The following WRN variants were observed in gnomAD, a reference collection of about 807,000 sequenced individuals.
The protein encoded by WRN is bifunctional 3'-5' exonuclease/ATP-dependent helicase WRN.
In WRN, 149 loss-of-function variants were observed where a neutral mutation model predicts 180.7. That is an observed-to-expected ratio of 0.82 (90% CI 0.72 to 0.94). The LOEUF is 0.94. WRN is among the 40% of genes least tolerant of loss of function. The pLI, the probability that WRN is intolerant of heterozygous loss-of-function variation, is 0.00. For synonymous variants in WRN, 548 were observed against 568.9 expected, an observed-to-expected ratio of 0.96 and a Z score of 0.52; for missense variants, 1,661 against 1,700.1, an observed-to-expected ratio of 0.98 and a Z score of 0.40.
At chr8:31,073,516 A>G (rs1258685644) in intron 7 of WRN, among the ~76,000 whole-genome samples, 3 of 152,198 alleles carry the variant, frequency 2.0e-5, no homozygotes, top group African/African-American at 7.2e-5. Context: ...GATTATTGAT[A>G]TCCAAGAGAT....
intron 20 of WRN, chr8:31,120,011 A>G (rs1313846157): frequency 1.9e-6 from 1 of 515,422 alleles, no homozygotes. Context: ...CAGATAGACC[A>G]CTTTATTTAC....
At chr8:31,091,023 A>AC (rs1813730486) in intron 15 of WRN, 81 bp downstream of exon 15, 2 of 1,074,856 alleles carry the variant, frequency 1.9e-6, no homozygotes, top group African/African-American at 1.6e-5. Context: ...ATGCATGTTA[A>AC]AATCTAGTTC....
chr8:31,086,190 G>A (rs1325875624), intron 11 of WRN, among the ~76,000 whole-genome samples: 1 of 114,798 alleles, frequency 8.7e-6, no homozygotes, highest in Non-Finnish European at 2.1e-5. Context: ...CTAATCTTTA[G>A]GTTGATGAGA....
At chr8:31,090,623 C>A in intron 14 of WRN, 91 bp downstream of exon 14, 1 of 1,297,502 alleles carries the variant, frequency 7.7e-7, no homozygotes, top group Non-Finnish European at 1.1e-6. Context: ...TCTCAAAATA[C>A]AAATGCAACT....
At chr8:31,148,938 G>T (rs1343283193) in intron 30 of WRN, among the ~76,000 whole-genome samples, 5 of 152,112 alleles carry the variant, frequency 3.3e-5, no homozygotes, top group Non-Finnish European at 5.9e-5. Context: ...ATATTTAGAA[G>T]AAATTATTTC....
chr8:31,111,476 TGCAAAA>T, intron 18 of WRN, 133 bp from the exon 19 acceptor site: 1 of 976,390 alleles, frequency 1.0e-6, no homozygotes, highest in Admixed American at 2.5e-5. Context: ...ATTTTTTCTT[TGCAAAA>T]AAATTTTACA....
chr8:31,111,466 A>G, intron 18 of WRN, 149 bp from the exon 19 acceptor site: 1 of 824,692 alleles, frequency 1.2e-6, no homozygotes, highest in South Asian at 1.7e-5. Context: ...TAGTAGGGAG[A>G]TTTTTTCTTT....
intron 15 of WRN, 69 bp from the exon 16 acceptor site, chr8:31,091,761 T>G: frequency 7.3e-7 from 1 of 1,361,478 alleles, no homozygotes; most frequent in South Asian, 1.2e-5. Flanking sequence ...TTATTCTTTC[T>G]CACTTAAGAG....
rs757279675 is a variant in WRN at position 31,088,912 on chromosome 8, T to C, written c.1599T>C (p.Asn533=). The change falls in exon 13 of 35, where the codon AAT becomes AAC. Residue 533 remains asparagine, a synonymous_variant. Transcript: ENST00000298139. ...CAGACTTTTTGTGGCCAGCACCCAA[T>C]GAAGAGCAAGTTACTTGCCTCAAGA... ...DDKDFLWPAP[N]EEQVTCLKMY... is the part of the protein sequence containing the mutation. 1 of 1,611,514 alleles carries C rather than the reference T, an allele frequency of 6.2e-7. No homozygotes were observed. The highest frequency in any genetic ancestry group is 2.2e-5 in the East Asian group (1 of 44,800).
chr8:31,150,712 T>C (rs890522603), intron 31 of WRN, among the ~76,000 whole-genome samples: 1 of 152,228 alleles, frequency 6.6e-6, no homozygotes, highest in Non-Finnish European at 1.5e-5. Context: ...TGTTTTTAAA[T>C]TGGAAACATT....
chr8:31,150,494 G>A (rs758582255), intron 31 of WRN, 39 bp downstream of exon 31: 3 of 1,580,382 alleles, frequency 1.9e-6, no homozygotes, highest in Admixed American at 3.3e-5. Context: ...TAGAGAATAA[G>A]CATTTTTTGT....
intron 23 of WRN, among the ~76,000 whole-genome samples, chr8:31,131,379 T>C (rs1585500467): frequency 6.6e-6 from 1 of 152,122 alleles, no homozygotes; most frequent in Admixed American, 6.5e-5. Flanking sequence ...TGGTCTTGAA[T>C]GCCTGACTTC....
intron 3 of WRN, among the ~76,000 whole-genome samples, chr8:31,063,621 C>G (rs1812579403): frequency 6.6e-6 from 1 of 152,310 alleles, no homozygotes; most frequent in Non-Finnish European, 1.5e-5. Flanking sequence ...TAATTTTTAC[C>G]AATCAGATAG....
At chr8:31,090,727 G>T in intron 14 of WRN, 107 bp from the exon 15 acceptor site, 1 of 1,084,818 alleles carries the variant, frequency 9.2e-7, no homozygotes, top group South Asian at 1.5e-5. Flanking sequence ...TACTAGTATT[G>T]ACCATTCATC....
At chr8:31,115,846 A>G (rs914853052) in intron 19 of WRN, among the ~76,000 whole-genome samples, 1 of 150,920 alleles carries the variant, frequency 6.6e-6, no homozygotes, top group Non-Finnish European at 1.5e-5. Flanking sequence ...CAAGATTACT[A>G]GTAAATACTT....
At chr8:31,040,620 C>A (rs372482461) in intron 1 of WRN, among the ~76,000 whole-genome samples, 2 of 152,198 alleles carry the variant, frequency 1.3e-5, no homozygotes, top group East Asian at 3.9e-4. Flanking sequence ...CTCAGATGAG[C>A]GTTGAGAATT....
chr8:31,137,281 T>TA (rs1802437232), intron 24 of WRN, among the ~76,000 whole-genome samples: 1 of 152,168 alleles, frequency 6.6e-6, no homozygotes, highest in Non-Finnish European at 1.5e-5. Flanking sequence ...ACTGATCAGA[T>TA]AAAACCTCAT....
rs548361600 is a variant in WRN at position 31,171,123 on chromosome 8, C to T, written c.4192-1872C>T. The T allele has an allele frequency of 7.9e-5, 12 of 152,226 alleles. No homozygotes were observed. In the East Asian group the frequency reaches 2.1e-3, roughly 27 times the overall value. 9.4% of individuals were successfully genotyped at this position (152,226 alleles called of 1,614,324 possible). A position where few individuals can be genotyped will look rare whatever the true frequency, so the allele number is the denominator to read the frequency against. ...ATAAGGTCATACATTTAGCAAGTGG[C>T]TCAATTAAAGTTCAAACCTGGTTCT... is the stretch of plus-strand genomic sequence containing the variant. On this transcript the variant is annotated intron_variant, in intron 34 of 34. Transcript: ENST00000298139.
intron 16 of WRN, among the ~76,000 whole-genome samples, chr8:31,093,467 A>G (rs560879186): frequency 1.0e-3 from 153 of 152,252 alleles, no homozygotes; most frequent in Middle Eastern, 6.8e-3. Flanking sequence ...TGAATATAGC[A>G]CAGTTTGTTT....
Sources: gnomAD v4.1 joint callset for allele counts (sites outside exome capture counted in the v4.1 genomes callset) on GRCh38, gnomAD v4.1.1 for gene constraint, MANE v1.5 for transcripts, NCBI Gene and HGNC (gene_info 2026-07-23, HGNC 2026-07-21) for gene names.